The following EXD2 variants were observed in gnomAD, a reference collection of about 807,000 sequenced individuals.
EXD2 encodes exonuclease 3'-5' domain-containing protein 2.
EXD2 carries 40 observed loss-of-function variants against 62.5 expected under a neutral mutation model. The ratio of observed to expected loss-of-function variants is 0.64; its 90% CI spans 0.50 to 0.83. The LOEUF is 0.83. Among genes scored for constraint, EXD2 ranks in the 40% least tolerant of loss-of-function variants. EXD2 has a pLI of 0.00. For missense variants in EXD2, 671 were observed against 761.8 expected (o/e 0.88, Z 1.40); for synonymous variants, 239 against 291.9 (o/e 0.82, Z 1.85).
intron 3 of EXD2, among the ~76,000 whole-genome samples, chr14:69,212,699 A>ATTTTCTTTTTTTTTT (rs747694470): frequency 3.5e-5 from 2 of 57,316 alleles, no homozygotes; most frequent in Non-Finnish European, 3.0e-5. Flanking sequence ...ATGGTTCTTG[A>ATTTTCTTTTTTTTTT]TTTTTTTTTT....
intron 1 of EXD2, among the ~76,000 whole-genome samples, chr14:69,195,500 A>T (rs1326966088): frequency 6.6e-6 from 1 of 152,184 alleles, no homozygotes; most frequent in Admixed American, 6.5e-5. Flanking sequence ...CGCAGCTCCA[A>T]ATCATTTTTT....
At chr14:69,192,061 C>T (rs897376224) in intron 1 of EXD2, 1 of 152,336 alleles carries the variant, frequency 6.6e-6, no homozygotes, top group Non-Finnish European at 1.5e-5. Context: ...CCCTCGCTAC[C>T]ATCCCTGTCC....
Position 69,242,075 on chromosome 14 carries a change from C to T in EXD2, c.*975C>T, listed in dbSNP as rs1313729272. The T allele has an allele frequency of 2.5e-6, 1 of 398,604 alleles. No homozygotes were observed. The highest frequency in any genetic ancestry group is 4.4e-6 in the Non-Finnish European group (1 of 226,076). The allele number at this position is 398,604 out of a possible 1,614,324, so 24.7% of individuals were successfully genotyped here. A position where few individuals can be genotyped will look rare whatever the true frequency, so the allele number is the denominator to read the frequency against. On this transcript the variant is annotated 3_prime_UTR_variant, in exon 10 of 10. Coordinates refer to ENST00000685843, the MANE Select transcript of EXD2 (RefSeq NM_001193360.2). ...TGCAATATGAGGACTTCTCTGTCTC[C>T]TCTGAAGCCTGGGACACTGAGCTTA...
At chr14:69,206,551 C>T (rs988546734) in intron 2 of EXD2, among the ~76,000 whole-genome samples, 2 of 148,894 alleles carry the variant, frequency 1.3e-5, no homozygotes, top group South Asian at 4.2e-4. Flanking sequence ...ACCATCACAG[C>T]TTCCTGTAGC....
chr14:69,231,954 C>T (rs1436744216), intron 5 of EXD2, among the ~76,000 whole-genome samples: 6 of 137,264 alleles, frequency 4.4e-5, no homozygotes, highest in East Asian at 2.4e-4. Context: ...ACTGTCTTTT[C>T]TCTCAGGTGA....
chr14:69,241,844 A>C lies in EXD2; in HGVS notation c.*744A>C, dbSNP rs2043991343. 2.5e-6 allele frequency: 1 copy of C among 398,928 alleles called. No homozygotes were observed. The highest frequency in any genetic ancestry group is 4.4e-5 in the Admixed American group (1 of 22,712). 24.7% of individuals were successfully genotyped at this position (398,928 alleles called of 1,614,324 possible). A position where few individuals can be genotyped will look rare whatever the true frequency, so the allele number is the denominator to read the frequency against. Reference sequence around the variant, plus strand: ...CCCAATAGAACTTTGAAATTCACTCAGCTTTTCCTTTCATGCTGTTTGTTG... The same window carrying C: ...CCCAATAGAACTTTGAAATTCACTCCGCTTTTCCTTTCATGCTGTTTGTTG... On this transcript the variant is annotated 3_prime_UTR_variant, in exon 10 of 10. Coordinates refer to ENST00000685843, the MANE Select transcript of EXD2 (RefSeq NM_001193360.2).
chr14:69,211,917 C>T (rs2042817113), intron 3 of EXD2, among the ~76,000 whole-genome samples: 1 of 152,184 alleles, frequency 6.6e-6, no homozygotes, highest in South Asian at 2.1e-4. Flanking sequence ...TCTAACCCCA[C>T]CTCATTTTGA....
chr14:69,200,267 A>T (rs1471007829), intron 1 of EXD2, among the ~76,000 whole-genome samples: 1 of 152,246 alleles, frequency 6.6e-6, no homozygotes, highest in Non-Finnish European at 1.5e-5. Context: ...AATAGGGCTT[A>T]TCAGGGGTTA....
In EXD2 at chr14:69,234,802, C is replaced by A; in HGVS notation, c.820C>A (p.His274Asn). Reference sequence around the variant, plus strand: ...TTCACCTGGAGAAAAAAACGATGACCACAGTAGCTGGAGAAAAGTCTTGGA... The same window carrying A: ...TTCACCTGGAGAAAAAAACGATGACAACAGTAGCTGGAGAAAAGTCTTGGA... Reference protein sequence around the residue: ...RNSPGEKNDDHSSWRKVLEKC... With the variant: ...RNSPGEKNDDNSSWRKVLEKC... The change falls in exon 6 of 10, where the codon CAC becomes AAC. Residue 274 changes from histidine (H) to asparagine (N), a missense_variant. Coordinates refer to ENST00000685843, the MANE Select transcript of EXD2 (RefSeq NM_001193360.2). 1 of 1,614,114 alleles carries A rather than the reference C, an allele frequency of 6.2e-7. No homozygotes were observed.
chr14:69,206,414 T>C (rs1422103891), intron 2 of EXD2, among the ~76,000 whole-genome samples: 2 of 149,192 alleles, frequency 1.3e-5, no homozygotes, highest in Non-Finnish European at 3.0e-5. Context: ...GGGGCTGGCA[T>C]GAGTTCTGGT....
intron 3 of EXD2, 39 bp from the exon 4 acceptor site, chr14:69,228,777 C>T (rs774081338): frequency 1.0e-5 from 16 of 1,582,426 alleles, no homozygotes; most frequent in African/African-American, 4.0e-5. Context: ...CGCTGCTGTG[C>T]TCAGGTGTGA....
intron 3 of EXD2, among the ~76,000 whole-genome samples, chr14:69,218,326 A>G (rs944883103): frequency 6.6e-6 from 1 of 152,278 alleles, no homozygotes; most frequent in Non-Finnish European, 1.5e-5. Context: ...GGCTGCATAA[A>G]TGTCTTCTTT....
chr14:69,214,777 A>G, intron 3 of EXD2, among the ~76,000 whole-genome samples: 1 of 151,892 alleles, frequency 6.6e-6, no homozygotes, highest in East Asian at 1.9e-4. Context: ...CTCCCTCATC[A>G]CTATAGTTTA....
Position 69,234,768 on chromosome 14 carries a change from C to T in EXD2, c.786C>T (p.Phe262=), listed in dbSNP as rs2043711045. ...TTCTTCATCTTCTTGGATACCCTTT[C>T]TCTAGGAATTCACCTGGAGAAAAAA... ...ALFLHLLGYP[F]SRNSPGEKND... Residue 262 remains phenylalanine, a synonymous_variant, in exon 6 of 10, where the codon TTC becomes TTT. Transcript: ENST00000685843. 1.2e-6 allele frequency: 2 copies of T among 1,614,022 alleles called. No homozygotes were observed. The highest frequency in any genetic ancestry group is 1.7e-6 in the Non-Finnish European group (2 of 1,180,044).
intron 1 of EXD2, among the ~76,000 whole-genome samples, chr14:69,198,376 C>T (rs769651128): frequency 5.3e-5 from 8 of 152,220 alleles, no homozygotes; most frequent in African/African-American, 9.6e-5. Flanking sequence ...TTTGCCTCTC[C>T]GCTCTGCTTT....
At chr14:69,238,127 AAACTTGCT>A (rs2043862700) in intron 9 of EXD2, among the ~76,000 whole-genome samples, 196 bp downstream of exon 9, 1 of 152,248 alleles carries the variant, frequency 6.6e-6, no homozygotes, top group Non-Finnish European at 1.5e-5. Context: ...TTTCCATAGG[AAACTTGCT>A]TTTGTGAGGT....
chr14:69,206,455 C>CCTTTTTTT (rs60787528), intron 2 of EXD2, among the ~76,000 whole-genome samples: 1,100 of 94,630 alleles, frequency 0.012, 355 homozygotes, highest in African/African-American at 0.042. Flanking sequence ...CACCCACCCA[C>CCTTTTTTT]TTTTTTTTTT....
chr14:69,192,503 CAG>C (rs35222328), intron 1 of EXD2, among the ~76,000 whole-genome samples: 103,550 of 151,616 alleles, frequency 0.68, 36,014 homozygotes, highest in East Asian at 1. Context: ...ATTTTAAACA[CAG>C]ATCTTTCTTA....
At chr14:69,195,807 T>G (rs560164401) in intron 1 of EXD2, among the ~76,000 whole-genome samples, 1 of 152,230 alleles carries the variant, frequency 6.6e-6, no homozygotes, top group Non-Finnish European at 1.5e-5. Flanking sequence ...CTTAGGATAA[T>G]GTACTGAAGA....
Sources: allele counts gnomAD v4.1 joint callset (sites outside exome capture counted in the v4.1 genomes callset), GRCh38; gene constraint gnomAD v4.1.1; transcripts MANE v1.5; gene names NCBI Gene and HGNC (gene_info 2026-07-23, HGNC 2026-07-21).